PCDH15: variants seen among roughly 807,000 people sequenced by gnomAD.
PCDH15 encodes protocadherin-15.
Under a neutral mutation model 178.5 loss-of-function variants are expected in PCDH15, and 129 were observed. That is an observed-to-expected ratio of 0.72 (90% CI 0.63 to 0.84). The LOEUF is 0.84. Among genes scored for constraint, PCDH15 ranks in the 40% least tolerant of loss-of-function variants. The pLI is 0.00. For synonymous variants in PCDH15, 800 were observed against 732.0 expected (o/e 1.09, Z -1.50); for missense variants, 2,230 against 2,099.9 (o/e 1.06, Z -1.21).
At chr10:54,891,543 G>C (rs1025791005) in intron 3 of PCDH15, among the ~76,000 whole-genome samples, 6 of 152,156 alleles carry the variant, frequency 3.9e-5, no homozygotes. Context: ...TATTCAGAGA[G>C]AGGTGTTTTG....
chr10:54,679,023 T>G (rs1405632564), intron 1 of PCDH15, among the ~76,000 whole-genome samples: 1 of 151,508 alleles, frequency 6.6e-6, no homozygotes, highest in Non-Finnish European at 1.5e-5. Context: ...ACCCCGTTTC[T>G]ACTAAAAATA....
At chr10:54,823,206 A>AAC (rs4007188) in intron 3 of PCDH15, among the ~76,000 whole-genome samples, 109,031 of 148,862 alleles carry the variant, frequency 0.73, 39,952 homozygotes, top group East Asian at 0.88. Context: ...CACCAGCATA[A>AAC]ACACACACAC....
intron 2 of PCDH15, among the ~76,000 whole-genome samples, chr10:55,327,129 T>C (rs568741774): frequency 9.2e-5 from 14 of 152,114 alleles, no homozygotes; most frequent in Admixed American, 8.5e-4. Flanking sequence ...ACCAGAACCC[T>C]CATGAATAGA....
At chr10:54,409,402 G>T (rs4481936) in intron 3 of PCDH15, among the ~76,000 whole-genome samples, 2 of 151,840 alleles carry the variant, frequency 1.3e-5, no homozygotes, top group Admixed American at 1.3e-4. Flanking sequence ...AAGAAGCTAG[G>T]GTATATTGTT....
intron 13 of PCDH15, among the ~76,000 whole-genome samples, chr10:54,159,500 T>C (rs112539226): frequency 0.017 from 2,655 of 152,254 alleles, 88 homozygotes; most frequent in African/African-American, 0.061. Flanking sequence ...CACTTTCTGA[T>C]AGATTAAAAA....
At position 55,535,138 on chromosome 10, in the gene PCDH15, T is replaced by C. The variant is rs73254690; in HGVS notation, c.-156+92487A>G. 3.4e-3 allele frequency among the ~76,000 whole-genome samples: 514 copies of C among 152,154 alleles called. 4 individuals are homozygous for C. Among genetic ancestry groups the C allele is most frequent in the African/African-American group, 0.012 (492 of 41,550 alleles). ...ACCTGTATGTAATATACCCATGTAA[T>C]AAATCTGCACATGTATCTCCTGTAT... On this transcript the variant is annotated intron_variant, in intron 2 of 5. Transcript: ENST00000613346.
At chr10:54,936,722 T>A (rs1837916552) in intron 2 of PCDH15, among the ~76,000 whole-genome samples, 1 of 151,380 alleles carries the variant, frequency 6.6e-6, no homozygotes, top group Non-Finnish European at 1.5e-5. Flanking sequence ...TATTGTTTTT[T>A]TTTTTAGTTT....
At chr10:55,452,926 C>T (rs1268899610) in intron 2 of PCDH15, among the ~76,000 whole-genome samples, 1 of 152,004 alleles carries the variant, frequency 6.6e-6, no homozygotes, top group African/African-American at 2.4e-5. Flanking sequence ...TAGGATTTAC[C>T]TAGAAGAGGC....
At chr10:54,957,985 G>A (rs2131881059) in intron 2 of PCDH15, among the ~76,000 whole-genome samples, 1 of 151,794 alleles carries the variant, frequency 6.6e-6, no homozygotes, top group Middle Eastern at 3.4e-3. Flanking sequence ...ACCCACTGAA[G>A]ACAACTTTAG....
chr10:54,249,175 A>G (rs1170667809), intron 8 of PCDH15, among the ~76,000 whole-genome samples: 4 of 152,078 alleles, frequency 2.6e-5, no homozygotes, highest in Admixed American at 6.6e-5. Context: ...CCGTATATAA[A>G]CACATGTAAT....
At position 54,601,738 on chromosome 10, in the gene PCDH15, A is replaced by G. The variant is rs142511440; in HGVS notation, c.91+62434T>C. ...TGATGTATTATAAAGACACATGCCCACATATGTTCATTTCAGTAAATGTGG... is the reference window on the plus strand; with the variant it reads ...TGATGTATTATAAAGACACATGCCCGCATATGTTCATTTCAGTAAATGTGG... On this transcript the variant is annotated intron_variant, in intron 2 of 37. Transcript: ENST00000644397. 9.2e-5 allele frequency among the ~76,000 whole-genome samples: 14 copies of G among 152,104 alleles called. No homozygotes were observed. The East Asian group carries it at 2.5e-3, about 27-fold the overall frequency.
intron 2 of PCDH15, among the ~76,000 whole-genome samples, chr10:55,114,741 G>A (rs1021464064): frequency 6.6e-6 from 1 of 152,170 alleles, no homozygotes; most frequent in African/African-American, 2.4e-5. Flanking sequence ...AAGATGGAAA[G>A]GGTCTGGATT....
intron 30 of PCDH15, chr10:53,831,020 G>A: frequency 3.6e-6 from 2 of 555,402 alleles, no homozygotes; most frequent in South Asian, 3.4e-5. Context: ...CTCCCAAGTT[G>A]GCTCTTAAAC....
intron 3 of PCDH15, among the ~76,000 whole-genome samples, chr10:54,836,953 A>G (rs1022264373): frequency 5.9e-5 from 9 of 152,148 alleles, no homozygotes; most frequent in African/African-American, 1.9e-4. Flanking sequence ...CAAATGGATC[A>G]GAAACCTGTT....
chr10:54,407,789 C>T (rs2077204083), intron 3 of PCDH15, among the ~76,000 whole-genome samples: 1 of 152,166 alleles, frequency 6.6e-6, no homozygotes, highest in South Asian at 2.1e-4. Context: ...GGCGTGGTGG[C>T]TCCCACCTAT....
chr10:55,246,714 T>C (rs1219591335), intron 1 of PCDH15, among the ~76,000 whole-genome samples: 1 of 151,216 alleles, frequency 6.6e-6, no homozygotes, highest in Non-Finnish European at 1.5e-5. Flanking sequence ...TTAGAGATCA[T>C]TTTGCAAAAA....
chr10:54,442,126 C>T lies in PCDH15; in HGVS notation c.158-63184G>A, dbSNP rs73255925. Among the ~76,000 whole-genome samples the T allele has an allele frequency of 6.5e-3, 980 of 151,378 alleles. 14 individuals carry two copies. The highest frequency in any genetic ancestry group is 0.023 in the African/African-American group (933 of 41,340). On this transcript the variant is annotated intron_variant, in intron 3 of 37. Coordinates refer to ENST00000644397, the MANE Select transcript of PCDH15 (RefSeq NM_001384140.1). ...ATTTTCCTGCATGTCTGCTTCAAGG[C>T]TGAATCCTAATGGTCATGTATGTAG...
chr10:55,201,646 C>G (rs532055315), intron 1 of PCDH15, among the ~76,000 whole-genome samples: 27 of 152,196 alleles, frequency 1.8e-4, no homozygotes, highest in African/African-American at 6.3e-4. Flanking sequence ...ACTGCTGGTC[C>G]ACATACTATT....
At chr10:54,870,274 A>C (rs989152386) in intron 3 of PCDH15, among the ~76,000 whole-genome samples, 1 of 152,168 alleles carries the variant, frequency 6.6e-6, no homozygotes, top group Non-Finnish European at 1.5e-5. Flanking sequence ...TACCATGCTC[A>C]TGAGATTATG....
Sources: allele counts gnomAD v4.1 joint callset (sites outside exome capture counted in the v4.1 genomes callset), GRCh38; gene constraint gnomAD v4.1.1; transcripts MANE v1.5; gene names NCBI Gene and HGNC (gene_info 2026-07-23, HGNC 2026-07-21).